MTFR1: variants seen among roughly 807,000 people sequenced by gnomAD.
MTFR1 encodes the protein chondrocyte protein with a poly-proline region.
A neutral mutation model predicts 38.8 loss-of-function variants in MTFR1; 28 were observed. The observed-to-expected ratio is 0.72, with a 90% CI of 0.53 to 0.99. The LOEUF (loss-of-function observed/expected upper bound fraction) is 0.99, where lower values mean the gene tolerates loss of function less well. Ranked by LOEUF, MTFR1 falls within the 50% of genes least tolerant of loss-of-function variation. The pLI is 0.00. For synonymous variants in MTFR1, 145 were observed against 137.0 expected (o/e 1.06, Z -0.41); for missense variants, 358 against 395.5 (o/e 0.91, Z 0.81).
rs1805901026 is a variant in MTFR1 at position 65,710,110 on chromosome 8, TG to T, written c.*1068del. 1 of 152,196 alleles carries T rather than the reference TG, an allele frequency of 6.6e-6. No homozygotes were observed. The highest frequency in any genetic ancestry group is 1.5e-5 in the Non-Finnish European group (1 of 68,016). The allele number at this position is 152,196 out of a possible 1,614,324, so 9.4% of individuals were successfully genotyped here. A position where few individuals can be genotyped will look rare whatever the true frequency, so the allele number is the denominator to read the frequency against. ...TTTTTAAATGCTTTATAAATCTTCA[TG>T]GTTTTTCTATTTCTGATACACTCAG... On this transcript the variant is annotated 3_prime_UTR_variant, in exon 8 of 8. Coordinates refer to ENST00000262146, the MANE Select transcript of MTFR1 (RefSeq NM_014637.4).
At chr8:65,724,978 ATT>A (rs3833687) in intron 3 of MTFR1, 1 of 1,168,948 alleles carries the variant, frequency 8.6e-7, no homozygotes. Flanking sequence ...CTATTTATTG[ATT>A]TTTTTTCTTA....
chr8:65,758,957 T>C (rs1808363673), intron 3 of MTFR1, among the ~76,000 whole-genome samples: 1 of 152,144 alleles, frequency 6.6e-6, no homozygotes, highest in Non-Finnish European at 1.5e-5. Context: ...TCTGTCTCTC[T>C]TGCGGAGAAA....
At chr8:65,683,362 C>T (rs896805427) in intron 3 of MTFR1, among the ~76,000 whole-genome samples, 1 of 152,066 alleles carries the variant, frequency 6.6e-6, no homozygotes, top group Non-Finnish European at 1.5e-5. Flanking sequence ...GATCTCTTGA[C>T]CTTGTGATCT....
chr8:65,716,530 G>T (rs959492119), intron 2 of MTFR1, among the ~76,000 whole-genome samples: 1 of 152,134 alleles, frequency 6.6e-6, no homozygotes, highest in East Asian at 1.9e-4. Flanking sequence ...GAAGACATGG[G>T]TCTTCTGTGC....
At chr8:65,761,898 C>T (rs1808514442) in intron 3 of MTFR1, among the ~76,000 whole-genome samples, 1 of 152,200 alleles carries the variant, frequency 6.6e-6, no homozygotes, top group Non-Finnish European at 1.5e-5. Flanking sequence ...TACTCTAACT[C>T]TTCCACAGAT....
intron 3 of MTFR1, chr8:65,720,307 G>A (rs1222606879): frequency 3.2e-5 from 5 of 153,990 alleles, no homozygotes; most frequent in African/African-American, 1.2e-4. Context: ...TTATATATTG[G>A]GAACAAATAA....
intron 1 of MTFR1, among the ~76,000 whole-genome samples, chr8:65,652,089 A>G (rs1262571670): frequency 1.3e-5 from 2 of 151,900 alleles, no homozygotes; most frequent in South Asian, 2.1e-4. Flanking sequence ...CTACAGGCAC[A>G]TGCCACCATG....
At chr8:65,718,893 G>A (rs1354650151) in intron 2 of MTFR1, 3 of 179,264 alleles carry the variant, frequency 1.7e-5, no homozygotes, top group African/African-American at 4.7e-5. Context: ...GAACTTAGTG[G>A]AAGGTACAAG....
chr8:65,719,983 T>C (rs1450558400), intron 3 of MTFR1, among the ~76,000 whole-genome samples: 2 of 152,244 alleles, frequency 1.3e-5, no homozygotes, highest in African/African-American at 4.8e-5. Flanking sequence ...TGGTCATGAC[T>C]ACAATTGGTC....
In MTFR1 at chr8:65,693,699, C is replaced by T. The variant is rs762061807; in HGVS notation, c.221C>T (p.Ala74Val). ...SPSHPGEDAV[A>V]SFADVGWVAK... is the part of the protein sequence containing the mutation. ...AGCCACCCAGGAGAGGATGCAGTGG[C>T]GTCTTTTGCTGATGTTGGATGGGTA... The change falls in exon 4 of 8, where the codon GCG becomes GTG. Residue 74 changes from alanine (A) to valine (V), a missense_variant. Coordinates refer to ENST00000262146, the MANE Select transcript of MTFR1 (RefSeq NM_014637.4). 5.0e-6 allele frequency: 8 copies of T among 1,613,968 alleles called. No homozygotes were observed. The Admixed American group carries it at 6.7e-5, about 13-fold the overall frequency.
At chr8:65,654,146 G>C (rs866234219) in intron 1 of MTFR1, among the ~76,000 whole-genome samples, 2 of 151,930 alleles carry the variant, frequency 1.3e-5, no homozygotes, top group South Asian at 4.2e-4. Context: ...AACAATACAG[G>C]AGTGCATAAG....
downstream of MTFR1, among the ~76,000 whole-genome samples, chr8:65,773,529 C>A (rs1178390263): frequency 6.6e-6 from 1 of 152,134 alleles, no homozygotes; most frequent in Non-Finnish European, 1.5e-5. Flanking sequence ...GTATAGATAC[C>A]AAAACCTCAA....
At chr8:65,719,392 G>A in exon 3 of MTFR1, 1 of 1,613,902 alleles carries the variant, frequency 6.2e-7, no homozygotes, top group South Asian at 1.1e-5. Context: ...CCTTCCAGCT[G>A]GCTTTATTCA....
At chr8:65,705,165 A>G (rs1206898902) in intron 5 of MTFR1, among the ~76,000 whole-genome samples, 1 of 152,152 alleles carries the variant, frequency 6.6e-6, no homozygotes, top group Non-Finnish European at 1.5e-5. Context: ...CTCTACTAAA[A>G]ATATAAAAAT....
intron 4 of MTFR1, among the ~76,000 whole-genome samples, chr8:65,700,389 G>C (rs1300792437): frequency 6.6e-6 from 1 of 151,122 alleles, no homozygotes; most frequent in Non-Finnish European, 1.5e-5. Context: ...CAAAAAAAAG[G>C]GCAGCATATT....
intron 3 of MTFR1, among the ~76,000 whole-genome samples, chr8:65,753,739 T>C (rs1172808724): frequency 6.6e-6 from 1 of 152,214 alleles, no homozygotes; most frequent in Non-Finnish European, 1.5e-5. Flanking sequence ...TTCATTATTG[T>C]AGAATTGTCT....
At chr8:65,662,613 G>C (rs1809467443) in intron 1 of MTFR1, among the ~76,000 whole-genome samples, 2 of 143,662 alleles carry the variant, frequency 1.4e-5, no homozygotes, top group African/African-American at 5.0e-5. Context: ...GGGATGTGAG[G>C]AGCGTCTCTG....
At chr8:65,675,596 C>T (rs968128273) in intron 2 of MTFR1, among the ~76,000 whole-genome samples, 3 of 152,092 alleles carry the variant, frequency 2.0e-5, no homozygotes, top group African/African-American at 7.2e-5. Context: ...GACTCCGTCT[C>T]AAAAAAACAA....
chr8:65,684,750 A>G (rs1005874837), intron 3 of MTFR1, among the ~76,000 whole-genome samples: 1 of 151,086 alleles, frequency 6.6e-6, no homozygotes, highest in Non-Finnish European at 1.5e-5. Flanking sequence ...AACACCTACA[A>G]TCCCAGCACT....
Sources: gnomAD v4.1 joint callset for allele counts (sites outside exome capture counted in the v4.1 genomes callset) on GRCh38, gnomAD v4.1.1 for gene constraint, MANE v1.5 for transcripts, NCBI Gene and HGNC (gene_info 2026-07-23, HGNC 2026-07-21) for gene names.